Variants in HPSE2 observed in about 807,000 individuals in gnomAD.
The protein encoded by HPSE2 is inactive heparanase-2.
In HPSE2, 38 loss-of-function variants were observed where a neutral mutation model predicts 60.5. The observed-to-expected ratio is 0.63, with a 90% confidence interval of 0.48 to 0.82. HPSE2 has a LOEUF of 0.82. Among genes scored for constraint, HPSE2 ranks in the 40% least tolerant of loss-of-function variants. The pLI, the probability that HPSE2 is intolerant of heterozygous loss-of-function variation, is 0.00. For synonymous variants in HPSE2, 295 were observed against 293.2 expected, an observed-to-expected ratio of 1.01 and a Z score of -0.06; for missense variants, 713 against 740.4, an observed-to-expected ratio of 0.96 and a Z score of 0.43.
intron 3 of HPSE2, among the ~76,000 whole-genome samples, chr10:98,960,746 T>TTTTTTATTTTTTA (rs1955653637): frequency 2.3e-5 from 3 of 129,860 alleles, no homozygotes; most frequent in Non-Finnish European, 3.4e-5. Flanking sequence ...TTTTATTTTT[T>TTTTTTATTTTTTA]TTTTTATTAT....
chr10:99,198,356 A>G (rs1848470002), intron 2 of HPSE2, among the ~76,000 whole-genome samples: 1 of 152,224 alleles, frequency 6.6e-6, no homozygotes, highest in Non-Finnish European at 1.5e-5. Context: ...CAAAAATAAC[A>G]GTTTCCAGCA....
At chr10:98,491,279 A>T (rs972829148) in intron 9 of HPSE2, among the ~76,000 whole-genome samples, 2 of 152,190 alleles carry the variant, frequency 1.3e-5, no homozygotes, top group African/African-American at 4.8e-5. Flanking sequence ...TGCATAAATC[A>T]GAATAAAGTC....
At chr10:99,103,940 G>C (rs1844128104) in intron 3 of HPSE2, among the ~76,000 whole-genome samples, 1 of 152,136 alleles carries the variant, frequency 6.6e-6, no homozygotes. Context: ...TATGGAGAAA[G>C]CTGCAACTGG....
chr10:99,256,384 A>AGGGTTG, the HPSE2 span, among the ~76,000 whole-genome samples: 1 of 13,016 alleles, frequency 7.7e-5, no homozygotes, highest in Admixed American at 5.3e-4. Flanking sequence ...GGGGCAACCC[A>AGGGTTG]CCCCTACAAG....
intron 2 of HPSE2, among the ~76,000 whole-genome samples, chr10:99,203,033 G>A (rs193079597): frequency 6.3e-4 from 96 of 152,150 alleles, no homozygotes; most frequent in Admixed American, 5.7e-3. Flanking sequence ...GCCCCAGAAC[G>A]AGCCTCCAAA....
chr10:98,709,380 C>T (rs1258424182), intron 5 of HPSE2, among the ~76,000 whole-genome samples: 10 of 152,190 alleles, frequency 6.6e-5, no homozygotes. Context: ...TTAATGATGA[C>T]TCAGGCTGTG....
At chr10:98,880,738 T>C (rs142332025) in intron 3 of HPSE2, among the ~76,000 whole-genome samples, 32 of 152,202 alleles carry the variant, frequency 2.1e-4, no homozygotes, top group Admixed American at 1.5e-3. Context: ...GAACTGAAGA[T>C]GAGAAGGAGA....
At chr10:99,166,148 T>C (rs1373635216) in intron 2 of HPSE2, among the ~76,000 whole-genome samples, 1 of 152,220 alleles carries the variant, frequency 6.6e-6, no homozygotes, top group Non-Finnish European at 1.5e-5. Flanking sequence ...GTTAATTCTT[T>C]TATTGCTGAA....
chr10:99,118,339 T>C (rs777890697), intron 3 of HPSE2, among the ~76,000 whole-genome samples: 22 of 151,732 alleles, frequency 1.4e-4, no homozygotes, highest in Non-Finnish European at 2.8e-4. Context: ...CTGGCTAACA[T>C]GGTGAAACCC....
At chr10:99,238,727 G>A (rs533607833), upstream of HPSE2, among the ~76,000 whole-genome samples, 4 of 152,126 alleles carry the variant, frequency 2.6e-5, no homozygotes, top group Non-Finnish European at 2.9e-5. Context: ...TTAATATGCT[G>A]TAAGTAGTTC....
At position 98,666,800 on chromosome 10, in the gene HPSE2, T is replaced by C. The variant is rs141263521; in HGVS notation, c.1005-24860A>G. On this transcript the variant is annotated intron_variant, in intron 6 of 11. Transcript: ENST00000370552. ...ACTAAAGTGGTGGTAAGAGAAAAGT[T>C]TGTAGCACTAAACACCTTCATTAAG... is the stretch of plus-strand genomic sequence containing the variant. Among the ~76,000 whole-genome samples, 95 of 152,212 alleles carry C rather than the reference T, an allele frequency of 6.2e-4. 1 individual carries two copies. The East Asian group carries it at 0.016, about 26-fold the overall frequency.
chr10:99,056,117 C>T (rs1426794621), intron 3 of HPSE2, among the ~76,000 whole-genome samples: 2 of 140,900 alleles, frequency 1.4e-5, no homozygotes, highest in South Asian at 4.8e-4. Context: ...GGAATAAAAG[C>T]AGACATCACT....
At chr10:99,185,927 G>A (rs748450026) in intron 2 of HPSE2, among the ~76,000 whole-genome samples, 7 of 151,752 alleles carry the variant, frequency 4.6e-5, no homozygotes, top group East Asian at 1.9e-4. Context: ...TGAAAAAAAC[G>A]GAATAGAGAA....
chr10:98,578,072 G>C (rs1163644721), intron 9 of HPSE2, among the ~76,000 whole-genome samples: 1 of 152,118 alleles, frequency 6.6e-6, no homozygotes, highest in African/African-American at 2.4e-5. Context: ...GAAGGGAAAG[G>C]ATAAAGACTC....
chr10:99,244,382 T>TTATTA, the HPSE2 span, among the ~76,000 whole-genome samples: 6 of 134,182 alleles, frequency 4.5e-5, no homozygotes, highest in African/African-American at 1.6e-4. Flanking sequence ...TTTTATTTCT[T>TTATTA]TTATTATTAT....
At chr10:98,739,349 A>T (rs142845260) in intron 4 of HPSE2, among the ~76,000 whole-genome samples, 19 of 152,170 alleles carry the variant, frequency 1.2e-4, no homozygotes, top group African/African-American at 4.6e-4. Flanking sequence ...GAGCGATATC[A>T]TTAGGACAAA....
intron 9 of HPSE2, among the ~76,000 whole-genome samples, chr10:98,520,855 T>C (rs1229903562): frequency 6.6e-6 from 1 of 152,150 alleles, no homozygotes; most frequent in Non-Finnish European, 1.5e-5. Flanking sequence ...AACCATCTGA[T>C]CTTTGACAAA....
intron 3 of HPSE2, among the ~76,000 whole-genome samples, chr10:98,798,226 G>A (rs561120825): frequency 1.1e-4 from 16 of 152,204 alleles, no homozygotes; most frequent in African/African-American, 3.9e-4. Flanking sequence ...GATATATCTG[G>A]TAAAATATCC....
intron 5 of HPSE2, among the ~76,000 whole-genome samples, chr10:98,710,600 A>T (rs892203372): frequency 6.6e-6 from 1 of 152,148 alleles, no homozygotes; most frequent in Non-Finnish European, 1.5e-5. Flanking sequence ...GTTAATTACC[A>T]TTTGCCGACT....
Sources: allele counts gnomAD v4.1 joint callset (sites outside exome capture counted in the v4.1 genomes callset), GRCh38; gene constraint gnomAD v4.1.1; transcripts MANE v1.5; gene names NCBI Gene and HGNC (gene_info 2026-07-23, HGNC 2026-07-21).